The following MAGI1 variants were observed in gnomAD, a reference collection of about 807,000 sequenced individuals.
MAGI1 encodes the protein membrane-associated guanylate kinase, WW and PDZ domain-containing protein 1.
A neutral mutation model predicts 139.9 loss-of-function variants in MAGI1; 58 were observed. The ratio of observed to expected loss-of-function variants is 0.41; its 90% CI spans 0.34 to 0.52. The LOEUF is 0.52. MAGI1 is among the 20% of genes least tolerant of loss of function. The pLI is 0.12. For missense variants in MAGI1, 1,874 were observed against 1,901.6 expected (o/e 0.99, Z 0.27); for synonymous variants, 812 against 737.9 (o/e 1.10, Z -1.63).
Position 65,664,904 on chromosome 3 carries a change from A to G in MAGI1, c.314-42816T>C, listed in dbSNP as rs547073482. Among the ~76,000 whole-genome samples, 12 of 152,312 alleles carry G rather than the reference A, an allele frequency of 7.9e-5. 1 individual carries two copies. In the South Asian group the frequency reaches 1.2e-3, roughly 16 times the overall value. Reference sequence around the variant, plus strand: ...CTCCAATTGTAGTGCTGAAGTCTATATAGTGTTTCTAAGTGCAAGAAGGCT... The same window carrying G: ...CTCCAATTGTAGTGCTGAAGTCTATGTAGTGTTTCTAAGTGCAAGAAGGCT... On this transcript the variant is annotated intron_variant, in intron 1 of 22. Coordinates refer to ENST00000402939, the MANE Select transcript of MAGI1 (RefSeq NM_001033057.2).
At chr3:65,933,155 G>A (rs1011786143) in intron 1 of MAGI1, among the ~76,000 whole-genome samples, 2 of 152,190 alleles carry the variant, frequency 1.3e-5, no homozygotes, top group Non-Finnish European at 2.9e-5. Context: ...GAAGACAAAA[G>A]CCATATCTTA....
At chr3:65,468,665 C>G (rs1950341254) in intron 5 of MAGI1, among the ~76,000 whole-genome samples, 1 of 152,088 alleles carries the variant, frequency 6.6e-6, no homozygotes, top group Admixed American at 6.5e-5. Context: ...GCGTGAGCCA[C>G]TGCACCCGGC....
chr3:65,354,340 G>T lies in MAGI1; in HGVS notation c.*2038C>A, dbSNP rs1234282952. The T allele has an allele frequency of 6.6e-6, 1 of 152,580 alleles. No individual in the cohort carries two copies. Among genetic ancestry groups the T allele is most frequent in the Non-Finnish European group, 1.5e-5 (1 of 68,018 alleles). The allele number at this position is 152,580 out of a possible 1,614,324, so 9.5% of individuals were successfully genotyped here. A position where few individuals can be genotyped will look rare whatever the true frequency, so the allele number is the denominator to read the frequency against. On this transcript the variant is annotated 3_prime_UTR_variant, in exon 23 of 23. Transcript: ENST00000402939. ...TGTATATTGTGTCTGTTCCAGGAAA[G>T]GAACTTGTTTTATAAATGTCCACAC...
At chr3:65,398,464 C>A (rs1287101148) in intron 13 of MAGI1, among the ~76,000 whole-genome samples, 5 of 152,072 alleles carry the variant, frequency 3.3e-5, no homozygotes, top group Admixed American at 1.3e-4. Context: ...TGTGCCACTG[C>A]ACTCAGCCTT....
chr3:65,583,544 G>T (rs2081536419), intron 2 of MAGI1, among the ~76,000 whole-genome samples: 1 of 151,964 alleles, frequency 6.6e-6, no homozygotes, highest in African/African-American at 2.4e-5. Context: ...AGGGAAATGG[G>T]AACTAACTAC....
At chr3:65,666,974 C>G (rs1452898224) in intron 1 of MAGI1, among the ~76,000 whole-genome samples, 1 of 152,140 alleles carries the variant, frequency 6.6e-6, no homozygotes, top group African/African-American at 2.4e-5. Flanking sequence ...TTCAGACATA[C>G]CTACAATTAT....
intron 1 of MAGI1, among the ~76,000 whole-genome samples, chr3:65,751,295 C>T (rs1032683900): frequency 6.6e-6 from 1 of 152,180 alleles, no homozygotes; most frequent in African/African-American, 2.4e-5. Context: ...TGTCCTGCCC[C>T]CTGCTGGGCA....
chr3:65,576,527 T>C (rs1410621124), intron 2 of MAGI1, among the ~76,000 whole-genome samples: 6 of 152,240 alleles, frequency 3.9e-5, no homozygotes, highest in Non-Finnish European at 8.8e-5. Context: ...TGATGATGCC[T>C]GACTGAAGTA....
intron 2 of MAGI1, among the ~76,000 whole-genome samples, chr3:65,508,230 C>T (rs928786163): frequency 2.0e-5 from 3 of 151,946 alleles, no homozygotes; most frequent in African/African-American, 4.8e-5. Context: ...GGTGAAACCC[C>T]GTCTCTACTA....
chr3:65,520,633 T>C (rs2078109517), intron 2 of MAGI1, among the ~76,000 whole-genome samples: 1 of 152,300 alleles, frequency 6.6e-6, no homozygotes, highest in East Asian at 1.9e-4. Context: ...AATGGCACCA[T>C]ATCATTCAAC....
chr3:65,798,861 C>G (rs1330538827), intron 1 of MAGI1, among the ~76,000 whole-genome samples: 1 of 152,184 alleles, frequency 6.6e-6, no homozygotes, highest in Non-Finnish European at 1.5e-5. Context: ...CTGTGTCCAG[C>G]TCAAAGGGGA....
intron 1 of MAGI1, among the ~76,000 whole-genome samples, chr3:65,957,752 C>G (rs2107040439): frequency 6.6e-6 from 1 of 151,960 alleles, no homozygotes; most frequent in East Asian, 1.9e-4. Context: ...TGTTTTAGTT[C>G]TTTGTTGTTG....
At position 65,516,788 on chromosome 3, in the gene MAGI1, C is replaced by T. The variant is rs369257778; in HGVS notation, c.431-23157G>A. The stretch of plus-strand genomic sequence containing the variant: ...TGTGGCCCAGGCTGGAGTGCAGTGG[C>T]GGGATCTCGGCTCACTGCAAGCTCC... On this transcript the variant is annotated intron_variant, in intron 2 of 22. Transcript: ENST00000402939. Among the ~76,000 whole-genome samples the T allele has an allele frequency of 8.2e-4, 97 of 117,852 alleles. 4 individuals carry two copies. In the South Asian group the frequency reaches 0.024, roughly 29 times the overall value. 77.3% of individuals were successfully genotyped at this position (117,852 alleles called of 152,430 possible).
chr3:65,622,148 T>G, intron 1 of MAGI1, 60 bp from the exon 2 acceptor site: 1 of 1,203,360 alleles, frequency 8.3e-7, no homozygotes, highest in Middle Eastern at 1.9e-4. Flanking sequence ...AGAAAAGAAG[T>G]AGCCAAGAAC....
At chr3:66,026,203 C>A (rs1351770241) in intron 1 of MAGI1, among the ~76,000 whole-genome samples, 1 of 152,024 alleles carries the variant, frequency 6.6e-6, no homozygotes, top group Non-Finnish European at 1.5e-5. Flanking sequence ...TTAAACCAGG[C>A]CAAGGTGGTA....
intron 1 of MAGI1, among the ~76,000 whole-genome samples, chr3:65,947,664 T>C (rs1157422713): frequency 6.6e-6 from 1 of 152,212 alleles, no homozygotes; most frequent in African/African-American, 2.4e-5. Flanking sequence ...TTACCCAGAC[T>C]GGAGTACAGA....
At chr3:65,745,863 G>A (rs116622766) in intron 1 of MAGI1, among the ~76,000 whole-genome samples, 1,944 of 152,106 alleles carry the variant, frequency 0.013, 44 homozygotes, top group African/African-American at 0.043. Flanking sequence ...CCAGTAGCTG[G>A]GATTACACGT....
intron 1 of MAGI1, among the ~76,000 whole-genome samples, chr3:65,861,418 TC>T (rs934493676): frequency 5.3e-5 from 8 of 152,180 alleles, no homozygotes; most frequent in Admixed American, 3.9e-4. Context: ...GAGTTTGCAA[TC>T]CCTGTTTTAT....
At chr3:65,771,541 T>A (rs976266683) in intron 1 of MAGI1, among the ~76,000 whole-genome samples, 6 of 152,156 alleles carry the variant, frequency 3.9e-5, no homozygotes, top group Non-Finnish European at 7.4e-5. Context: ...ACAGTTTACA[T>A]GTCTGCAATT....
Sources: allele counts gnomAD v4.1 joint callset (sites outside exome capture counted in the v4.1 genomes callset), GRCh38; gene constraint gnomAD v4.1.1; transcripts MANE v1.5; gene names NCBI Gene and HGNC (gene_info 2026-07-23, HGNC 2026-07-21).